Variants in AGBL4 observed in about 807,000 individuals in gnomAD.
AGBL4 encodes AGBL carboxypeptidase 4.
A neutral mutation model predicts 66.4 loss-of-function variants in AGBL4; 58 were observed. The observed-to-expected ratio is 0.87, with a 90% CI of 0.71 to 1.09. The LOEUF is 1.09. Ranked by LOEUF, AGBL4 falls within the 50% of genes least tolerant of loss-of-function variation. The probability of loss-of-function intolerance (pLI) is 0.00; values close to 1 mark genes in which losing one functional copy is unlikely to be tolerated. For synonymous variants in AGBL4, 234 were observed against 222.9 expected, an observed-to-expected ratio of 1.05 and a Z score of -0.44; for missense variants, 579 against 631.0, an observed-to-expected ratio of 0.92 and a Z score of 0.88.
At chr1:48,732,533 GAC>G (rs1648306870) in intron 6 of AGBL4, among the ~76,000 whole-genome samples, 1 of 150,904 alleles carries the variant, frequency 6.6e-6, no homozygotes, top group Non-Finnish European at 1.5e-5. Flanking sequence ...TGATGTGACA[GAC>G]AGCAATGGAG....
intron 4 of AGBL4, among the ~76,000 whole-genome samples, chr1:49,066,697 A>G (rs967584935): frequency 6.6e-6 from 1 of 152,190 alleles, no homozygotes; most frequent in African/African-American, 2.4e-5. Context: ...CAGAAATCAC[A>G]TCTCTATTTA....
intron 4 of AGBL4, among the ~76,000 whole-genome samples, chr1:49,097,468 C>G (rs992537403): frequency 6.6e-6 from 1 of 152,114 alleles, no homozygotes; most frequent in Non-Finnish European, 1.5e-5. Flanking sequence ...GTCTAATATA[C>G]TTAATTTAAA....
chr1:48,629,441 G>A (rs1278682876), intron 9 of AGBL4, among the ~76,000 whole-genome samples: 1 of 152,078 alleles, frequency 6.6e-6, no homozygotes, highest in African/African-American at 2.4e-5. Context: ...AGAGAGACCT[G>A]GATTACAGAA....
chr1:48,586,905 G>A (rs1025316121), intron 11 of AGBL4, 99 bp downstream of exon 11: 1 of 1,489,760 alleles, frequency 6.7e-7, no homozygotes, highest in South Asian at 1.2e-5. Flanking sequence ...GAGAGTCTCA[G>A]CCCTTACCTG....
chr1:48,759,073 T>C (rs1380870508), intron 6 of AGBL4: 34 of 1,613,042 alleles, frequency 2.1e-5, no homozygotes, highest in Non-Finnish European at 2.7e-5. Context: ...CTGTTGCTGC[T>C]GGTAGTTGCG....
chr1:48,651,527 A>G (rs1330778190), intron 8 of AGBL4, among the ~76,000 whole-genome samples: 1 of 152,226 alleles, frequency 6.6e-6, no homozygotes, highest in African/African-American at 2.4e-5. Context: ...TACCACTATT[A>G]TCGCTAACAG....
chr1:49,399,290 G>T (rs1364734168), intron 3 of AGBL4, among the ~76,000 whole-genome samples: 2 of 152,108 alleles, frequency 1.3e-5, no homozygotes, highest in Non-Finnish European at 2.9e-5. Flanking sequence ...ATTGTGAATA[G>T]TGCTGCAATA....
intron 3 of AGBL4, among the ~76,000 whole-genome samples, chr1:49,640,383 A>G (rs1314555484): frequency 1.3e-5 from 2 of 152,154 alleles, no homozygotes; most frequent in African/African-American, 4.8e-5. Flanking sequence ...CCTTTGAAAC[A>G]GCTAAATCTC....
intron 4 of AGBL4, among the ~76,000 whole-genome samples, chr1:49,077,095 CGTGTGTGT>C (rs3043747): frequency 1.3e-5 from 2 of 150,442 alleles, no homozygotes; most frequent in African/African-American, 4.9e-5. Context: ...CTTCTGTGTG[CGTGTGTGT>C]GTGTGTGTGT....
At chr1:49,776,854 A>T (rs1429719023) in intron 2 of AGBL4, among the ~76,000 whole-genome samples, 1 of 152,094 alleles carries the variant, frequency 6.6e-6, no homozygotes, top group East Asian at 1.9e-4. Context: ...TGAAGCTCAG[A>T]TCATGTCTTG....
At position 48,891,419 on chromosome 1, in the gene AGBL4, C is replaced by T. The variant is rs548173126; in HGVS notation, c.595-24189G>A. On this transcript the variant is annotated intron_variant, in intron 5 of 13. Coordinates refer to ENST00000371839, the MANE Select transcript of AGBL4 (RefSeq NM_032785.4). ...CTCTTCCAAAAACTTTCACTAAGCA[C>T]GTATTTTGGACCAGGCACTAGATGC... Among the ~76,000 whole-genome samples, 17 of 152,216 alleles carry T rather than the reference C, an allele frequency of 1.1e-4. No individual in the cohort carries two copies. The East Asian group carries it at 2.3e-3, about 21-fold the overall frequency.
intron 1 of AGBL4, among the ~76,000 whole-genome samples, chr1:49,878,677 C>A (rs1345329770): frequency 6.6e-6 from 1 of 151,624 alleles, no homozygotes; most frequent in African/African-American, 2.4e-5. Context: ...CTATTAGGTC[C>A]ACTTGGTGCA....
At chr1:48,867,404 G>A (rs1648212811) in intron 5 of AGBL4, among the ~76,000 whole-genome samples, 174 bp from the exon 6 acceptor site, 2 of 152,158 alleles carry the variant, frequency 1.3e-5, no homozygotes, top group Non-Finnish European at 2.9e-5. Flanking sequence ...AGAGACAAAG[G>A]GGGATGGATG....
chr1:48,983,403 G>A (rs914036783), intron 5 of AGBL4, among the ~76,000 whole-genome samples: 6 of 152,072 alleles, frequency 3.9e-5, no homozygotes, highest in African/African-American at 4.8e-5. Flanking sequence ...AGTTTCTGGC[G>A]GAGACACTCA....
At chr1:49,213,434 GC>G (rs1648829786) in intron 4 of AGBL4, among the ~76,000 whole-genome samples, 1 of 152,022 alleles carries the variant, frequency 6.6e-6, no homozygotes, top group African/African-American at 2.4e-5. Flanking sequence ...ATGGCTTGGT[GC>G]TGTCTTCGTG....
chr1:49,115,766 T>TC (rs908232645), intron 4 of AGBL4, among the ~76,000 whole-genome samples: 63 of 151,108 alleles, frequency 4.2e-4, no homozygotes, highest in African/African-American at 7.3e-4. Context: ...AAGATACAAA[T>TC]CCCCCCCCAT....
intron 2 of AGBL4, among the ~76,000 whole-genome samples, chr1:49,710,285 T>G (rs1558182695): frequency 6.6e-6 from 1 of 152,180 alleles, no homozygotes; most frequent in Non-Finnish European, 1.5e-5. Flanking sequence ...TCATGTCCTT[T>G]GAAGGGACAT....
chr1:49,498,077 C>T (rs1359206397), intron 3 of AGBL4, among the ~76,000 whole-genome samples: 1 of 151,486 alleles, frequency 6.6e-6, no homozygotes, highest in Admixed American at 6.6e-5. Context: ...GTGTACAGGC[C>T]TTTCATTTCC....
At chr1:49,139,817 A>C (rs1646084592) in intron 4 of AGBL4, among the ~76,000 whole-genome samples, 1 of 152,170 alleles carries the variant, frequency 6.6e-6, no homozygotes. Context: ...GTTGCCTCAA[A>C]TCCTGTTTGG....
Sources: gnomAD v4.1 joint callset for allele counts (sites outside exome capture counted in the v4.1 genomes callset) on GRCh38, gnomAD v4.1.1 for gene constraint, MANE v1.5 for transcripts, NCBI Gene and HGNC (gene_info 2026-07-23, HGNC 2026-07-21) for gene names.